The following PLEKHA8 variants were observed in gnomAD, a reference collection of about 807,000 sequenced individuals.
PLEKHA8 encodes the protein pleckstrin homology domain containing A8.
A neutral mutation model predicts 68.2 loss-of-function variants in PLEKHA8; 36 were observed. That is an observed-to-expected ratio of 0.53 (90% CI 0.40 to 0.70). The LOEUF (loss-of-function observed/expected upper bound fraction) is 0.70. Among genes scored for constraint, PLEKHA8 ranks in the 30% least tolerant of loss-of-function variants. The probability of loss-of-function intolerance (pLI) is 0.00; values close to 1 mark genes in which losing one functional copy is unlikely to be tolerated. For synonymous variants in PLEKHA8, 211 were observed against 216.1 expected (o/e 0.98, Z 0.20); for missense variants, 505 against 615.4 (o/e 0.82, Z 1.90).
intron 13 of PLEKHA8, among the ~76,000 whole-genome samples, chr7:30,101,711 G>C (rs1036080830): frequency 3.9e-5 from 6 of 152,130 alleles, no homozygotes; most frequent in African/African-American, 1.4e-4. Context: ...AATAAAATAT[G>C]TGCAAAATCT....
At position 30,108,083 on chromosome 7, in the gene PLEKHA8, A is replaced by AAAAAAAAAAAAAAAAAC. The variant is rs780069387; in HGVS notation, c.1363-21174_1363-21173insAAAAAAACAAAAAAAAA. Among the ~76,000 whole-genome samples, 25 of 144,560 alleles carry AAAAAAAAAAAAAAAAAC rather than the reference A, an allele frequency of 1.7e-4. 1 individual carries two copies. Among genetic ancestry groups the AAAAAAAAAAAAAAAAAC allele is most frequent in the Non-Finnish European group, 3.4e-4 (22 of 65,182 alleles). 94.8% of individuals were successfully genotyped at this position (144,560 alleles called of 152,430 possible). On this transcript the variant is annotated intron_variant, in intron 13 of 13. Transcript: ENST00000396257. ...ACTCCATCTCAAAAAAAAAAAAAAA[A>AAAAAAAAAAAAAAAAAC]AAAAAAAAACCTACATTCATTGACA...
At chr7:30,038,795 T>C (rs773028842) in intron 1 of PLEKHA8, among the ~76,000 whole-genome samples, 3 of 152,218 alleles carry the variant, frequency 2.0e-5, no homozygotes, top group Non-Finnish European at 4.4e-5. Context: ...CAGTACTTTC[T>C]AGTCAGAAGT....
chr7:30,036,418 AG>A (rs2127961633), intron 1 of PLEKHA8, among the ~76,000 whole-genome samples: 1 of 99,312 alleles, frequency 1.0e-5, no homozygotes, highest in South Asian at 3.4e-4. Flanking sequence ...ATAGATAGAT[AG>A]ATAGATAGAT....
rs1274199566 is a variant in PLEKHA8, at chr7:30,055,326, T to G, written c.1023T>G (p.Ala341=). 1 of 1,614,100 alleles carries G rather than the reference T, an allele frequency of 6.2e-7. No individual in the cohort carries two copies. Among genetic ancestry groups the G allele is most frequent in the Non-Finnish European group, 8.5e-7 (1 of 1,179,936 alleles). ...PTEAFLASCY[A]VVPVLDKLGP... is the part of the protein sequence containing the mutation. ...AAGCATTCTTGGCATCATGTTATGC[T>G]GTGGTTCCAGTATTAGGTAAGATTC... The change falls in exon 9 of 14, where the codon GCT becomes GCG. Residue 341 remains alanine, a synonymous_variant. Coordinates refer to ENST00000449726, the MANE Select transcript of PLEKHA8 (RefSeq NM_001197026.2).
chr7:30,062,254 A>G (rs1793502133), intron 11 of PLEKHA8, among the ~76,000 whole-genome samples: 1 of 152,140 alleles, frequency 6.6e-6, no homozygotes, highest in South Asian at 2.1e-4. Context: ...TCTTAAAGGC[A>G]TTAAAGTCAA....
chr7:30,044,995 A>G (rs1791834841), intron 1 of PLEKHA8, 90 bp from the exon 2 acceptor site: 4 of 809,394 alleles, frequency 4.9e-6, no homozygotes, highest in Non-Finnish European at 7.7e-6. Flanking sequence ...GAGCTAACCC[A>G]GTATCCTATG....
chr7:30,099,049 C>T (rs1348728124), intron 13 of PLEKHA8, among the ~76,000 whole-genome samples: 2 of 152,198 alleles, frequency 1.3e-5, no homozygotes, highest in East Asian at 3.9e-4. Context: ...AGCCACCGTG[C>T]CCAGCCTTTT....
At chr7:30,065,662 GC>G (rs2127990928) in intron 12 of PLEKHA8, among the ~76,000 whole-genome samples, 1 of 152,242 alleles carries the variant, frequency 6.6e-6, no homozygotes, top group South Asian at 2.1e-4. Context: ...CCATATATAG[GC>G]AAGTTTGTTG....
intron 9 of PLEKHA8, 61 bp from the exon 10 acceptor site, chr7:30,060,823 A>G: frequency 7.5e-7 from 1 of 1,331,730 alleles, no homozygotes; most frequent in Non-Finnish European, 1.1e-6. Flanking sequence ...TTACTTTATT[A>G]TAAAAAATAT....
At chr7:30,115,841 T>G (rs372641898) in intron 13 of PLEKHA8, 64 of 147,964 alleles carry the variant, frequency 4.3e-4, no homozygotes, top group Middle Eastern at 3.5e-3. Context: ...CATACATGTA[T>G]ACACGTATGC....
At chr7:30,056,239 G>T (rs751821363) in intron 9 of PLEKHA8, among the ~76,000 whole-genome samples, 1 of 139,208 alleles carries the variant, frequency 7.2e-6, no homozygotes, top group Non-Finnish European at 1.5e-5. Context: ...CACCACGCCC[G>T]GCCTGCAAAA....
chr7:30,076,437 A>G (rs547222490), intron 13 of PLEKHA8, among the ~76,000 whole-genome samples: 2 of 152,330 alleles, frequency 1.3e-5, no homozygotes, highest in Admixed American at 6.5e-5. Flanking sequence ...TAGAACTGCT[A>G]TGTCGAATAC....
At chr7:30,102,235 C>A (rs1422405829) in intron 13 of PLEKHA8, among the ~76,000 whole-genome samples, 1 of 152,234 alleles carries the variant, frequency 6.6e-6, no homozygotes, top group Non-Finnish European at 1.5e-5. Context: ...GATACCATTT[C>A]ATACCTACCA....
rs776020840 is a variant in PLEKHA8, at chr7:30,028,746, G to C, written c.-17G>C. ...GTGAGGGGGCCGGCGGGCGTGGGCCGAGTGGCCGCGGGCGCCATGGAGGGG... is the reference window on the plus strand; with the variant it reads ...GTGAGGGGGCCGGCGGGCGTGGGCCCAGTGGCCGCGGGCGCCATGGAGGGG... On this transcript the variant is annotated 5_prime_UTR_variant, in exon 1 of 14. Transcript: ENST00000449726. 1.6e-6 allele frequency: 2 copies of C among 1,259,038 alleles called. No individual in the cohort carries two copies. Among genetic ancestry groups the C allele is most frequent in the Admixed American group, 4.1e-5 (1 of 24,634 alleles). 78.0% of individuals were successfully genotyped at this position (1,259,038 alleles called of 1,614,324 possible).
intron 13 of PLEKHA8, chr7:30,075,258 T>TCCATATCCC (rs1353153869): frequency 6.6e-6 from 1 of 152,132 alleles, no homozygotes; most frequent in Non-Finnish European, 1.5e-5. Context: ...AGATTAAAGC[T>TCCATATCCC]CCATATCCCA....
At position 30,081,630 on chromosome 7, in the gene PLEKHA8, T is replaced by TA; in HGVS notation, c.*2844dup. ...GTGAGAGGAGGTGAGAAAACTCTAG[T>TA]ATTTTGTTGGCAGAGTAATCACTTT... On this transcript the variant is annotated 3_prime_UTR_variant, in exon 14 of 14. Coordinates refer to ENST00000449726, the MANE Select transcript of PLEKHA8 (RefSeq NM_001197026.2). 1 of 985,346 alleles carries TA rather than the reference T, an allele frequency of 1.0e-6. No individual in the cohort carries two copies. Among genetic ancestry groups the TA allele is most frequent in the Non-Finnish European group, 1.2e-6 (1 of 829,854 alleles). 61.0% of individuals were successfully genotyped at this position (985,346 alleles called of 1,614,324 possible).
intron 1 of PLEKHA8, among the ~76,000 whole-genome samples, chr7:30,038,619 C>CTAT (rs747963941): frequency 6.6e-6 from 1 of 152,006 alleles, no homozygotes; most frequent in Non-Finnish European, 1.5e-5. Context: ...TATTAAAGGA[C>CTAT]TATGCATTTA....
At position 30,054,854 on chromosome 7, in the gene PLEKHA8, C is replaced by G; in HGVS notation, c.942C>G (p.Thr314=). ...AAGTTATCCCAACTTTCTTTAGTAC[C>G]ATGAACACAAGGTATTCTAGACTCT... ...GKEVIPTFFS[T]MNTSFSDIEL... Residue 314 remains threonine (T), a synonymous_variant, in exon 8 of 14, where the codon ACC becomes ACG. Transcript: ENST00000449726. The G allele has an allele frequency of 6.2e-7, 1 of 1,604,560 alleles. No individual in the cohort carries two copies. The highest frequency in any genetic ancestry group is 1.1e-5 in the South Asian group (1 of 89,364).
chr7:30,050,434 AT>A lies in PLEKHA8; in HGVS notation c.599del (p.Met200ArgfsTer18). On this transcript the variant is annotated frameshift_variant and splice_region_variant, in exon 6 of 14. Transcript: ENST00000449726. LOFTEE classifies it high-confidence loss of function. The part of the protein sequence containing the change: ...PQLAMLKSSK[M>X]KHPIIPIHNS... ...TTTCCTTTCTTTGCTTCTTTTAAAG[AT>A]GAAACATCCTATTATACCAATTCAT... is the stretch of plus-strand genomic sequence containing the variant. 2 of 1,579,412 alleles carry A rather than the reference AT, an allele frequency of 1.3e-6. No individual in the cohort carries two copies. Among genetic ancestry groups the A allele is most frequent in the South Asian group, 2.4e-5 (2 of 84,332 alleles).
Sources: allele counts gnomAD v4.1 joint callset (sites outside exome capture counted in the v4.1 genomes callset), GRCh38; gene constraint gnomAD v4.1.1; transcripts MANE v1.5; gene names NCBI Gene and HGNC (gene_info 2026-07-23, HGNC 2026-07-21).